The following KCNIP4 variants were observed in gnomAD, a reference collection of about 807,000 sequenced individuals.
KCNIP4 encodes the protein potassium voltage-gated channel interacting protein 4.
A neutral mutation model predicts 34.0 loss-of-function variants in KCNIP4; 12 were observed. The observed-to-expected ratio is 0.35, with a 90% confidence interval of 0.23 to 0.57. KCNIP4 has a LOEUF of 0.57. KCNIP4 is among the 20% of genes least tolerant of loss of function. The pLI, the probability that KCNIP4 is intolerant of heterozygous loss-of-function variation, is 0.83. For synonymous variants in KCNIP4, 124 were observed against 102.2 expected (o/e 1.21, Z -1.29); for missense variants, 238 against 311.7 (o/e 0.76, Z 1.78).
At chr4:21,578,298 A>C (rs1740907766) in intron 1 of KCNIP4, among the ~76,000 whole-genome samples, 1 of 133,290 alleles carries the variant, frequency 7.5e-6, no homozygotes, top group African/African-American at 2.9e-5. Context: ...GCGCCACTGC[A>C]CTCCAACCTG....
At chr4:21,304,183 G>T (rs548393460) in intron 1 of KCNIP4, among the ~76,000 whole-genome samples, 3 of 152,256 alleles carry the variant, frequency 2.0e-5, no homozygotes, top group East Asian at 3.9e-4. Context: ...GAAAAAGGGC[G>T]TGAGTGACAG....
intron 1 of KCNIP4, among the ~76,000 whole-genome samples, chr4:21,756,380 C>T (rs1717528003): frequency 6.6e-6 from 1 of 151,904 alleles, no homozygotes; most frequent in African/African-American, 2.4e-5. Flanking sequence ...ATGATGAAAC[C>T]CCATGTCTAC....
intron 1 of KCNIP4, among the ~76,000 whole-genome samples, chr4:21,370,838 TATATATATATATACACACACACACAC>T (rs1239864198): frequency 6.5e-5 from 2 of 30,792 alleles, no homozygotes; most frequent in Admixed American, 3.7e-4. Context: ...TATATATATA[TATATATATATATACACACACACACAC>T]ACACACACAC....
At position 21,895,612 on chromosome 4, in the gene KCNIP4, T is replaced by C. The variant is rs1578120463; in HGVS notation, c.61+52959A>G. On this transcript the variant is annotated intron_variant, in intron 1 of 8. Coordinates refer to ENST00000382152, the MANE Select transcript of KCNIP4 (RefSeq NM_025221.6). ...AGAATAGGACCTAGCAGAACATAAATGTTCAACTATTAAATTATTTTAATA... is the reference window on the plus strand; with the variant it reads ...AGAATAGGACCTAGCAGAACATAAACGTTCAACTATTAAATTATTTTAATA... Among the ~76,000 whole-genome samples the C allele has an allele frequency of 2.0e-5, 3 of 152,274 alleles. No individual in the cohort carries two copies. The South Asian group carries it at 6.2e-4, about 32-fold the overall frequency.
intron 1 of KCNIP4, among the ~76,000 whole-genome samples, chr4:21,735,193 G>A (rs1352504257): frequency 6.6e-6 from 1 of 151,998 alleles, no homozygotes; most frequent in African/African-American, 2.4e-5. Context: ...CAAGTACCAA[G>A]TGTGGGAGTG....
rs578225627 is a variant in KCNIP4 at position 20,905,752 on chromosome 4, T to G, written c.62-23043A>C. On this transcript the variant is annotated intron_variant, in intron 1 of 8. Transcript: ENST00000382152. ...GGCTGGGCTGGTCTCAAACTCCTGA[T>G]GTCGTGATCCGCCCGCCTTGGCCTC... 6.6e-5 allele frequency among the ~76,000 whole-genome samples: 10 copies of G among 151,840 alleles called. No homozygotes were observed. The South Asian group carries it at 1.9e-3, about 29-fold the overall frequency.
At chr4:21,359,119 G>C (rs1234271481) in intron 1 of KCNIP4, among the ~76,000 whole-genome samples, 3 of 152,108 alleles carry the variant, frequency 2.0e-5, no homozygotes, top group Non-Finnish European at 4.4e-5. Flanking sequence ...GGTATACCCA[G>C]TAAAGTAAAT....
At chr4:20,909,146 C>T (rs917742908) in intron 1 of KCNIP4, among the ~76,000 whole-genome samples, 48 of 152,226 alleles carry the variant, frequency 3.2e-4, no homozygotes, top group African/African-American at 1.0e-3. Flanking sequence ...AGGCTACAAA[C>T]GGTTTGCTTA....
chr4:21,119,451 C>T (rs1254401780), intron 1 of KCNIP4, among the ~76,000 whole-genome samples: 1 of 142,096 alleles, frequency 7.0e-6, no homozygotes, highest in African/African-American at 2.5e-5. Flanking sequence ...TGGGTCACAC[C>T]AACCCACAGA....
chr4:21,614,419 A>G (rs1744422206), intron 1 of KCNIP4, among the ~76,000 whole-genome samples: 1 of 150,994 alleles, frequency 6.6e-6, no homozygotes, highest in Non-Finnish European at 1.5e-5. Context: ...TCACTAGACT[A>G]TTTCCCTCCT....
intron 1 of KCNIP4, among the ~76,000 whole-genome samples, chr4:21,376,452 G>C (rs769884443): frequency 5.3e-5 from 8 of 152,116 alleles, no homozygotes; most frequent in Non-Finnish European, 1.2e-4. Flanking sequence ...AGATCTTTCA[G>C]TAATCCATGT....
chr4:21,326,777 T>G (rs2109314146), intron 1 of KCNIP4, among the ~76,000 whole-genome samples: 1 of 152,086 alleles, frequency 6.6e-6, no homozygotes, highest in Admixed American at 6.5e-5. Context: ...TGGTATGTTT[T>G]AATTTCTTGC....
chr4:21,744,007 A>G (rs770973018), intron 1 of KCNIP4, among the ~76,000 whole-genome samples: 12 of 152,082 alleles, frequency 7.9e-5, no homozygotes, highest in Non-Finnish European at 1.6e-4. Flanking sequence ...AATCTAGATT[A>G]TAACCTTCCT....
intron 3 of KCNIP4, among the ~76,000 whole-genome samples, chr4:20,805,805 C>G (rs1233694265): frequency 6.6e-6 from 1 of 152,094 alleles, no homozygotes; most frequent in African/African-American, 2.4e-5. Flanking sequence ...AAATTTCAAA[C>G]TGAACGGATT....
intron 1 of KCNIP4, among the ~76,000 whole-genome samples, chr4:20,990,920 C>T (rs11735132): frequency 0.13 from 20,305 of 152,106 alleles, 1,389 homozygotes; most frequent in African/African-American, 0.14. Context: ...GTTTGTAGTA[C>T]AATAATACTG....
intron 1 of KCNIP4, among the ~76,000 whole-genome samples, chr4:21,140,826 T>C (rs6847960): frequency 0.54 from 81,786 of 151,958 alleles, 22,576 homozygotes; most frequent in African/African-American, 0.65. Flanking sequence ...CCTGTCCATC[T>C]GCTATTGATC....
intron 1 of KCNIP4, among the ~76,000 whole-genome samples, chr4:21,394,243 A>G (rs1190676897): frequency 6.6e-6 from 1 of 152,176 alleles, no homozygotes; most frequent in Non-Finnish European, 1.5e-5. Context: ...AAGGAAAAAT[A>G]TATCTAAAAA....
intron 1 of KCNIP4, among the ~76,000 whole-genome samples, chr4:21,794,691 A>C (rs1302188798): frequency 1.3e-5 from 2 of 152,044 alleles, no homozygotes; most frequent in Admixed American, 1.3e-4. Flanking sequence ...GCAGTTTGTG[A>C]CCAGTCTAAA....
chr4:21,269,328 T>A (rs763252998), intron 1 of KCNIP4, among the ~76,000 whole-genome samples: 2 of 152,214 alleles, frequency 1.3e-5, no homozygotes, highest in Non-Finnish European at 2.9e-5. Context: ...ATGCGGACTA[T>A]AGCTGCCCAG....
Sources: gnomAD v4.1 joint callset for allele counts (sites outside exome capture counted in the v4.1 genomes callset) on GRCh38, gnomAD v4.1.1 for gene constraint, MANE v1.5 for transcripts, NCBI Gene and HGNC (gene_info 2026-07-23, HGNC 2026-07-21) for gene names.